PATJ: variants seen among roughly 807,000 people sequenced by gnomAD.
PATJ encodes inaD-like protein.
In PATJ, 190 loss-of-function variants were observed where a neutral mutation model predicts 224.9. The observed-to-expected ratio is 0.84, with a 90% CI of 0.75 to 0.95. The LOEUF (loss-of-function observed/expected upper bound fraction) is 0.95. Among genes scored for constraint, PATJ ranks in the 40% least tolerant of loss-of-function variants. The pLI is 0.00. For synonymous variants in PATJ, 769 were observed against 820.3 expected (o/e 0.94, Z 1.07); for missense variants, 2,121 against 2,270.3 (o/e 0.93, Z 1.34).
At chr1:61,813,334 C>CATATATATATATATATATATAT (rs747640923) in intron 14 of PATJ, among the ~76,000 whole-genome samples, 1 of 63,066 alleles carries the variant, frequency 1.6e-5, no homozygotes, top group Non-Finnish European at 3.1e-5. Flanking sequence ...ATGGAATGTA[C>CATATATATATATATATATATAT]ATATATATAT....
chr1:61,786,819 C>G (rs979813706), intron 7 of PATJ, among the ~76,000 whole-genome samples: 2 of 152,044 alleles, frequency 1.3e-5, no homozygotes, highest in African/African-American at 4.8e-5. Context: ...AACCCCATCT[C>G]TACTAAAAAT....
chr1:61,951,037 C>T (rs1182489716), intron 27 of PATJ, among the ~76,000 whole-genome samples: 1 of 152,110 alleles, frequency 6.6e-6, no homozygotes, highest in Non-Finnish European at 1.5e-5. Context: ...ATCCCAGCTA[C>T]TCGGAATCTG....
chr1:61,939,317 TCACACA>T (rs60430174), intron 27 of PATJ, among the ~76,000 whole-genome samples: 41 of 142,568 alleles, frequency 2.9e-4, no homozygotes, highest in Non-Finnish European at 4.8e-4. Flanking sequence ...AACTTTGCAT[TCACACA>T]CACACACACA....
Position 61,901,433 on chromosome 1 carries a change from C to T in PATJ, c.3355C>T (p.Leu1119Phe). 1.9e-6 allele frequency: 3 copies of T among 1,583,974 alleles called. No homozygotes were observed. The highest frequency in any genetic ancestry group is 2.3e-5 in the South Asian group (2 of 85,236). ...CAGTCCAGCAGGGAAGACGAACGCA[C>T]TTAAAACTGGAGATAAAATACTTGA... ...EDSPAGKTNA[L>F]KTGDKILEVS... Residue 1119 changes from leucine to phenylalanine, a missense_variant, in exon 24 of 44, where the codon CTT becomes TTT. By Grantham distance (22) the Leu-to-Phe change is conservative. Coordinates refer to ENST00000642238, the MANE Select transcript of PATJ (RefSeq NM_001350145.3).
intron 31 of PATJ, among the ~76,000 whole-genome samples, chr1:62,059,410 T>C (rs537956991): frequency 6.6e-6 from 1 of 152,114 alleles, no homozygotes; most frequent in African/African-American, 2.4e-5. Flanking sequence ...TCACTTGAGG[T>C]CAGGAGTTTG....
chr1:62,031,346 C>A (rs949501476), intron 29 of PATJ, among the ~76,000 whole-genome samples: 1 of 152,178 alleles, frequency 6.6e-6, no homozygotes, highest in African/African-American at 2.4e-5. Context: ...GGAAATTACA[C>A]TCCGCTGTAA....
At chr1:62,099,722 TAAAAC>T (rs1661909506) in intron 33 of PATJ, among the ~76,000 whole-genome samples, 1 of 152,220 alleles carries the variant, frequency 6.6e-6, no homozygotes, top group Admixed American at 6.5e-5. Flanking sequence ...AAATGCTTGT[TAAAAC>T]AATCTACTAA....
intron 33 of PATJ, 107 bp downstream of exon 33, chr1:62,084,755 G>A (rs60941191): frequency 0.03 from 33,119 of 1,086,442 alleles, 1,493 homozygotes; most frequent in African/African-American, 0.2. Flanking sequence ...CATAGTATGA[G>A]GAGAAAATGT....
At chr1:62,014,836 G>A (rs982734615) in intron 28 of PATJ, among the ~76,000 whole-genome samples, 2 of 151,908 alleles carry the variant, frequency 1.3e-5, no homozygotes, top group Non-Finnish European at 2.9e-5. Context: ...CAAAGTGCTA[G>A]GATTACAGCT....
At chr1:61,800,200 A>G (rs1195511808) in intron 11 of PATJ, among the ~76,000 whole-genome samples, 1 of 152,206 alleles carries the variant, frequency 6.6e-6, no homozygotes. Context: ...AAGTTGTACT[A>G]ATTTACATCC....
chr1:61,962,044 A>G (rs1681387406), intron 27 of PATJ, among the ~76,000 whole-genome samples: 1 of 151,828 alleles, frequency 6.6e-6, no homozygotes, highest in Admixed American at 6.6e-5. Flanking sequence ...ATGTGTTGAC[A>G]CTCAAACAAT....
intron 27 of PATJ, chr1:61,952,117 G>A (rs1281953990): frequency 3.5e-5 from 15 of 423,968 alleles, no homozygotes; most frequent in African/African-American, 1.2e-4. Context: ...TTGCTTCTCC[G>A]GCATAGTTTT....
intron 33 of PATJ, among the ~76,000 whole-genome samples, chr1:62,098,203 C>G (rs1570582189): frequency 6.6e-6 from 1 of 151,602 alleles, no homozygotes; most frequent in African/African-American, 2.4e-5. Flanking sequence ...ATTAAAAATA[C>G]AAAAAATTAG....
chr1:61,946,101 A>G (rs537849229), intron 27 of PATJ, among the ~76,000 whole-genome samples: 4 of 152,370 alleles, frequency 2.6e-5, no homozygotes, highest in East Asian at 3.9e-4. Context: ...CTAAATGCCC[A>G]CAAGAGAAAG....
At chr1:62,091,409 C>T (rs1199151944) in intron 33 of PATJ, among the ~76,000 whole-genome samples, 1 of 152,154 alleles carries the variant, frequency 6.6e-6, no homozygotes, top group East Asian at 1.9e-4. Context: ...AAAAATCTAC[C>T]TCTTAAGATT....
At chr1:62,090,928 C>A (rs1285607175) in intron 33 of PATJ, among the ~76,000 whole-genome samples, 1 of 152,210 alleles carries the variant, frequency 6.6e-6, no homozygotes, top group Non-Finnish European at 1.5e-5. Context: ...TCCAGACTCA[C>A]TCACTGGGGT....
intron 33 of PATJ, among the ~76,000 whole-genome samples, chr1:62,089,748 G>A (rs549116542): frequency 1.1e-4 from 16 of 151,596 alleles, no homozygotes; most frequent in African/African-American, 3.9e-4. Context: ...TTTCCAGTCA[G>A]GTCTTGGGAT....
At position 62,030,157 on chromosome 1, in the gene PATJ, T is replaced by C. The variant is rs1427615342; in HGVS notation, c.3960-7820T>C. On this transcript the variant is annotated intron_variant, in intron 29 of 43. Coordinates refer to ENST00000642238, the MANE Select transcript of PATJ (RefSeq NM_001350145.3). Reference sequence around the variant, plus strand: ...AGAATAAAGCCTTTAGATTAAACCATTAGACTCAGCGGTGTTTTAAATTTT... The same window carrying C: ...AGAATAAAGCCTTTAGATTAAACCACTAGACTCAGCGGTGTTTTAAATTTT... Among the ~76,000 whole-genome samples, 21 of 152,178 alleles carry C rather than the reference T, an allele frequency of 1.4e-4. 1 individual carries two copies. Among genetic ancestry groups the C allele is most frequent in the Admixed American group, 1.4e-3 (21 of 15,266 alleles).
intron 27 of PATJ, among the ~76,000 whole-genome samples, chr1:61,983,816 G>C (rs542310351): frequency 1.3e-5 from 2 of 152,044 alleles, no homozygotes; most frequent in Non-Finnish European, 2.9e-5. Context: ...TTTCAGCTAG[G>C]ACCATGAAGA....
Sources: allele counts gnomAD v4.1 joint callset (sites outside exome capture counted in the v4.1 genomes callset), GRCh38; gene constraint gnomAD v4.1.1; transcripts MANE v1.5; gene names NCBI Gene and HGNC (gene_info 2026-07-23, HGNC 2026-07-21).